LRIT3: variants seen among roughly 807,000 people sequenced by gnomAD.
LRIT3 encodes leucine-rich repeat, immunoglobulin-like domain and transmembrane domain-containing protein 3.
LRIT3 carries 14 observed loss-of-function variants against 22.6 expected under a neutral mutation model. The ratio of observed to expected loss-of-function variants is 0.62; its 90% confidence interval spans 0.41 to 0.97. The LOEUF (loss-of-function observed/expected upper bound fraction) is 0.97, where lower values mean the gene tolerates loss of function less well. LRIT3 is among the 50% of genes least tolerant of loss of function. The pLI, the probability that LRIT3 is intolerant of heterozygous loss-of-function variation, is 0.00. For synonymous variants in LRIT3, 306 were observed against 304.5 expected (o/e 1.01, Z -0.05); for missense variants, 783 against 803.0 (o/e 0.98, Z 0.30).
At chr4:109,865,038 G>C in intron 2 of LRIT3, 1 of 1,393,874 alleles carries the variant, frequency 7.2e-7, no homozygotes. Context: ...GCTTTTTACT[G>C]AGTGATGATG....
At chr4:109,867,565 T>C in intron 2 of LRIT3, 76 bp from the exon 3 acceptor site, 5 of 1,286,524 alleles carry the variant, frequency 3.9e-6, no homozygotes, top group Non-Finnish European at 5.4e-6. Flanking sequence ...TGTAGATCCC[T>C]ACTTTCTCAA....
Position 109,861,585 on chromosome 4 carries a change from T to C in LRIT3, c.590-6056T>C, listed in dbSNP as rs76631679. 0.011 allele frequency among the ~76,000 whole-genome samples: 1,715 copies of C among 152,278 alleles called. 82 individuals carry two copies. The East Asian group carries it at 0.12, about 11-fold the overall frequency. On this transcript the variant is annotated intron_variant, in intron 2 of 3. Coordinates refer to ENST00000594814, the MANE Select transcript of LRIT3 (RefSeq NM_198506.5). ...CCATTTCCCTGATTATTAATGGTGTTGGCCAGATTTTCATTTGCTTATGGG... is the reference window on the plus strand; with the variant it reads ...CCATTTCCCTGATTATTAATGGTGTCGGCCAGATTTTCATTTGCTTATGGG...
At chr4:109,850,403 C>CTTCTTTCT (rs1734192570) in intron 1 of LRIT3, among the ~76,000 whole-genome samples, 1 of 6,272 alleles carries the variant, frequency 1.6e-4, no homozygotes, top group Admixed American at 2.2e-3. Flanking sequence ...TCCTTCCTTC[C>CTTCTTTCT]TTCCTTCCTT....
chr4:109,861,364 G>GGCT (rs1734541346), intron 2 of LRIT3, among the ~76,000 whole-genome samples: 1 of 151,724 alleles, frequency 6.6e-6, no homozygotes, highest in Non-Finnish European at 1.5e-5. Flanking sequence ...GAAAAAGAAT[G>GGCT]GCTATATGTA....
At position 109,851,952 on chromosome 4, in the gene LRIT3, C is replaced by T. The variant is rs75301950; in HGVS notation, c.565C>T (p.Leu189Phe). 18,195 of 1,548,664 alleles carry T rather than the reference C, an allele frequency of 0.012. 904 individuals are homozygous for T. The East Asian group carries it at 0.13, about 11-fold the overall frequency. Reference sequence around the variant, plus strand: ...TTCAACACCTTCTGGAGTCCTGGACCTTTCCCCAAGCAGGATTATTCTTGG... The same window carrying T: ...TTCAACACCTTCTGGAGTCCTGGACTTTTCCCCAAGCAGGATTATTCTTGG... ...LVSTPSGVLD[L>F]SPSRIILGLQ... Residue 189 changes from leucine (L) to phenylalanine (F), a missense_variant, in exon 2 of 4, where the codon CTT becomes TTT. Transcript: ENST00000594814.
chr4:109,869,093 T>A (rs1734756752), intron 3 of LRIT3, among the ~76,000 whole-genome samples: 1 of 152,154 alleles, frequency 6.6e-6, no homozygotes, highest in African/African-American at 2.4e-5. Flanking sequence ...AAATATAAAA[T>A]AAATTATTCG....
At chr4:109,850,264 A>G (rs1010356106) in intron 1 of LRIT3, among the ~76,000 whole-genome samples, 1 of 152,096 alleles carries the variant, frequency 6.6e-6, no homozygotes, top group Non-Finnish European at 1.5e-5. Flanking sequence ...TCAGATGAGT[A>G]TCTCATAGGA....
chr4:109,850,407 CTTCCTTCCTTCCTTCCTTTCT>C (rs1560588861), intron 1 of LRIT3, among the ~76,000 whole-genome samples: 10 of 9,794 alleles, frequency 1.0e-3, no homozygotes, highest in Non-Finnish European at 1.9e-3. Flanking sequence ...TCCTTCCTTC[CTTCCTTCCTTCCTTCCTTTCT>C]TTCTTTCTTT....
At chr4:109,862,446 G>C (rs1373865293) in intron 2 of LRIT3, among the ~76,000 whole-genome samples, 3 of 152,088 alleles carry the variant, frequency 2.0e-5, no homozygotes, top group Non-Finnish European at 4.4e-5. Context: ...TTTTATTCAG[G>C]TTTTAAAAAT....
chr4:109,862,352 T>C (rs900662262), intron 2 of LRIT3, among the ~76,000 whole-genome samples: 1 of 152,214 alleles, frequency 6.6e-6, no homozygotes, highest in Non-Finnish European at 1.5e-5. Context: ...GCAGTGCAAG[T>C]AACAGTTTAA....
At chr4:109,867,164 A>T (rs1316848912) in intron 2 of LRIT3, among the ~76,000 whole-genome samples, 1 of 152,050 alleles carries the variant, frequency 6.6e-6, no homozygotes, top group African/African-American at 2.4e-5. Flanking sequence ...CCTTTGAAAG[A>T]TCTTTATTAC....
At position 109,870,921 on chromosome 4, in the gene LRIT3, G is replaced by A. The variant is rs890871996; in HGVS notation, c.*132G>A. 153 of 917,224 alleles carry A rather than the reference G, an allele frequency of 1.7e-4. No homozygotes were observed. The highest frequency in any genetic ancestry group is 2.1e-4 in the Non-Finnish European group (140 of 653,182). The allele number at this position is 917,224 out of a possible 1,614,324, so 56.8% of individuals were successfully genotyped here. ...TCACAAATGGAATGCTTTTAAGTAT[G>A]TTTAAAAAATACCATGAGACCTCTG... On this transcript the variant is annotated 3_prime_UTR_variant, in exon 4 of 4. Coordinates refer to ENST00000594814, the MANE Select transcript of LRIT3 (RefSeq NM_198506.5).
At chr4:109,853,754 C>T (rs1041044550) in intron 2 of LRIT3, among the ~76,000 whole-genome samples, 3 of 151,428 alleles carry the variant, frequency 2.0e-5, no homozygotes, top group Non-Finnish European at 2.9e-5. Flanking sequence ...TTTAATCCAT[C>T]TTGAGTTAAT....
chr4:109,870,860 T>G lies in LRIT3; in HGVS notation c.*71T>G. 6.8e-7 allele frequency: 1 copy of G among 1,469,694 alleles called. No homozygotes were observed. The highest frequency in any genetic ancestry group is 9.1e-7 in the Non-Finnish European group (1 of 1,098,284). The allele number at this position is 1,469,694 out of a possible 1,614,324, so 91.0% of individuals were successfully genotyped here. On this transcript the variant is annotated 3_prime_UTR_variant, in exon 4 of 4. Transcript: ENST00000594814. ...GGGTATAATTGACCCTAGGTTTGGATGACTTTTGGACAGACTTTCACATTG... is the reference window on the plus strand; with the variant it reads ...GGGTATAATTGACCCTAGGTTTGGAGGACTTTTGGACAGACTTTCACATTG...
intron 3 of LRIT3, among the ~76,000 whole-genome samples, chr4:109,868,549 CT>C (rs1734741142): frequency 2.3e-4 from 13 of 55,478 alleles, no homozygotes; most frequent in Admixed American, 2.2e-3. Flanking sequence ...GTAAGACTGT[CT>C]TAAAAAAAAA....
intron 2 of LRIT3, chr4:109,865,277 T>G: frequency 6.3e-7 from 1 of 1,592,962 alleles, no homozygotes; most frequent in Non-Finnish European, 8.6e-7. Flanking sequence ...GTAAAGTTGG[T>G]GAGAATGTCA....
Position 109,851,815 on chromosome 4 carries a change from G to A in LRIT3, c.428G>A (p.Ser143Asn). Residue 143 changes from serine (S) to asparagine (N), a missense_variant, in exon 2 of 4, where the codon AGT (serine) becomes AAT (asparagine). This residue lies in a region of LRIT3 where 756 missense variants were observed against 753.8 expected (regional missense o/e 1.00). Coordinates refer to ENST00000594814, the MANE Select transcript of LRIT3 (RefSeq NM_198506.5). ...TLDLHNNKIT[S>N]VPNEALRYLK... ...GACTTGCACAATAACAAAATAACCA[G>A]TGTGCCAAATGAGGCGCTCAGGTAT... 6.4e-7 allele frequency: 1 copy of A among 1,551,800 alleles called. No individual in the cohort carries two copies. Among genetic ancestry groups the A allele is most frequent in the Non-Finnish European group, 8.7e-7 (1 of 1,147,028 alleles).
intron 1 of LRIT3, among the ~76,000 whole-genome samples, chr4:109,850,482 T>G (rs1368376675): frequency 7.0e-6 from 1 of 143,702 alleles, no homozygotes; most frequent in East Asian, 2.0e-4. Context: ...TTTCTTTCTT[T>G]CTTTTCTATT....
chr4:109,865,103 T>G (rs1439913028), intron 2 of LRIT3: 1 of 1,414,084 alleles, frequency 7.1e-7, no homozygotes, highest in Non-Finnish European at 9.3e-7. Flanking sequence ...CTATGATCAT[T>G]ATTTTTATTT....
Sources: allele counts gnomAD v4.1 joint callset (sites outside exome capture counted in the v4.1 genomes callset), GRCh38; gene constraint gnomAD v4.1.1; regional missense constraint gnomAD v4.1.1; transcripts MANE v1.5; gene names NCBI Gene and HGNC (gene_info 2026-07-23, HGNC 2026-07-21).